DNAJC10: variants seen among roughly 807,000 people sequenced by gnomAD.
The protein encoded by DNAJC10 is DnaJ heat shock protein family (Hsp40) member C10.
DNAJC10 carries 101 observed loss-of-function variants against 115.0 expected under a neutral mutation model. That is an observed-to-expected ratio of 0.88 (90% CI 0.75 to 1.04). The LOEUF (loss-of-function observed/expected upper bound fraction) is 1.04. Ranked by LOEUF, DNAJC10 falls within the 50% of genes least tolerant of loss-of-function variation. The pLI is 0.00. For synonymous variants in DNAJC10, 307 were observed against 301.5 expected (o/e 1.02, Z -0.19); for missense variants, 981 against 928.8 (o/e 1.06, Z -0.73).
intron 9 of DNAJC10, among the ~76,000 whole-genome samples, chr2:182,731,800 T>C (rs966108867): frequency 1.3e-5 from 2 of 152,184 alleles, no homozygotes; most frequent in Non-Finnish European, 2.9e-5. Flanking sequence ...CCCCATCCTG[T>C]AAGGCCTATG....
Position 182,740,371 on chromosome 2 carries a change from T to C in DNAJC10, c.1060T>C (p.Ser354Pro), listed in dbSNP as rs1368554963. Residue 354 changes from serine to proline, a missense_variant, in exon 12 of 24, where the codon TCG becomes CCG. By Grantham distance (74) the Ser-to-Pro change is moderately conservative. Transcript: ENST00000264065. ...IHNLPDFELL[S>P]ANTLEDRLAH... The stretch of plus-strand genomic sequence containing the variant: ...TAATCTTCCAGATTTTGAACTACTT[T>C]CGGCAAACACACTAGAGGTAATGTT... 3 of 1,575,972 alleles carry C rather than the reference T, an allele frequency of 1.9e-6. No individual in the cohort carries two copies. Among genetic ancestry groups the C allele is most frequent in the Admixed American group, 3.7e-5 (2 of 53,552 alleles).
chr2:182,718,030 T>C lies in DNAJC10; in HGVS notation c.-57T>C. ...TCTCAAATTTGCATATTACATCAAC[T>C]GGAACCAGCAGTGAATCTTAATGTT... is the stretch of plus-strand genomic sequence containing the variant. On this transcript the variant is annotated 5_prime_UTR_variant, in exon 3 of 24. Coordinates refer to ENST00000264065, the MANE Select transcript of DNAJC10 (RefSeq NM_018981.4). The C allele has an allele frequency of 2.2e-6, 3 of 1,355,222 alleles. No individual in the cohort carries two copies. The highest frequency in any genetic ancestry group is 3.0e-6 in the Non-Finnish European group (3 of 984,152). 83.9% of individuals were successfully genotyped at this position (1,355,222 alleles called of 1,614,324 possible). A position where few individuals can be genotyped will look rare whatever the true frequency, so the allele number is the denominator to read the frequency against.
chr2:182,730,245 A>G (rs1034177230), intron 8 of DNAJC10, among the ~76,000 whole-genome samples: 1 of 152,184 alleles, frequency 6.6e-6, no homozygotes, highest in Non-Finnish European at 1.5e-5. Context: ...TGCTTTTTTA[A>G]ATATGCTTAT....
intron 22 of DNAJC10, among the ~76,000 whole-genome samples, chr2:182,767,222 A>C (rs970118540): frequency 6.6e-6 from 1 of 152,146 alleles, no homozygotes; most frequent in South Asian, 2.1e-4. Context: ...AGGTGGCCAA[A>C]ATAGTAGCGT....
chr2:182,722,196 A>C (rs897466329), intron 5 of DNAJC10, 121 bp downstream of exon 5: 1 of 635,064 alleles, frequency 1.6e-6, no homozygotes, highest in Non-Finnish European at 2.7e-6. Flanking sequence ...TAATAATGTA[A>C]TATACTGTAT....
At chr2:182,761,088 G>C (rs897480884) in intron 21 of DNAJC10, among the ~76,000 whole-genome samples, 5 of 151,926 alleles carry the variant, frequency 3.3e-5, no homozygotes, top group African/African-American at 1.2e-4. Flanking sequence ...AACTCCACAT[G>C]AAAGAAAAGG....
chr2:182,761,911 G>A (rs1694294501), intron 21 of DNAJC10, among the ~76,000 whole-genome samples: 1 of 152,058 alleles, frequency 6.6e-6, no homozygotes, highest in African/African-American at 2.4e-5. Flanking sequence ...CTGGAAAAAG[G>A]AAGAACAGTC....
chr2:182,749,107 C>T (rs1403973096), intron 14 of DNAJC10, among the ~76,000 whole-genome samples: 9 of 151,984 alleles, frequency 5.9e-5, no homozygotes, highest in African/African-American at 1.9e-4. Context: ...AGGTGTGGTG[C>T]AGTGCTGAAA....
intron 3 of DNAJC10, among the ~76,000 whole-genome samples, 153 bp from the exon 4 acceptor site, chr2:182,719,854 C>T (rs1205520228): frequency 6.9e-6 from 1 of 144,488 alleles, no homozygotes; most frequent in African/African-American, 2.6e-5. Flanking sequence ...TCATTTCAAC[C>T]CATGGTAACT....
At chr2:182,770,522 G>A (rs1482360947) in intron 22 of DNAJC10, among the ~76,000 whole-genome samples, 1 of 152,002 alleles carries the variant, frequency 6.6e-6, no homozygotes, top group African/African-American at 2.4e-5. Flanking sequence ...CCTTGAAGAG[G>A]TCCTTCACAT....
At chr2:182,729,819 G>A in intron 7 of DNAJC10, 29 bp from the exon 8 acceptor site, 1 of 1,423,760 alleles carries the variant, frequency 7.0e-7, no homozygotes, top group Non-Finnish European at 9.6e-7. Context: ...AAAAGTAAAA[G>A]ATGTTTCTCT....
chr2:182,771,110 A>G (rs1452260276), intron 22 of DNAJC10, among the ~76,000 whole-genome samples: 1 of 152,128 alleles, frequency 6.6e-6, no homozygotes, highest in Non-Finnish European at 1.5e-5. Context: ...GATTACATTT[A>G]TTGATTTGCA....
chr2:182,739,965 T>C, intron 11 of DNAJC10: 1 of 994,520 alleles, frequency 1.0e-6, no homozygotes, highest in Non-Finnish European at 1.2e-6. Flanking sequence ...AAAGATAATG[T>C]GGTTTTTCTT....
rs1406467939 is a variant in DNAJC10, at chr2:182,779,085, A to G, written c.*1953A>G. On this transcript the variant is annotated 3_prime_UTR_variant, in exon 24 of 24. Transcript: ENST00000264065. ...TTGAGAAACATTTTAGGCAGTAAAT[A>G]AAATAGTAAATATTATGTGTCCTAT... 1 of 152,210 alleles carries G rather than the reference A, an allele frequency of 6.6e-6. No homozygotes were observed. The highest frequency in any genetic ancestry group is 2.4e-5 in the African/African-American group (1 of 41,458). 9.4% of individuals were successfully genotyped at this position (152,210 alleles called of 1,614,324 possible).
intron 22 of DNAJC10, among the ~76,000 whole-genome samples, chr2:182,766,178 GTTGT>G (rs1694406435): frequency 6.6e-6 from 1 of 152,132 alleles, no homozygotes; most frequent in Admixed American, 6.6e-5. Context: ...AAATGAAACT[GTTGT>G]TTAAGAATCC....
intron 11 of DNAJC10, among the ~76,000 whole-genome samples, chr2:182,738,410 G>A (rs1693639982): frequency 6.6e-6 from 1 of 152,070 alleles, no homozygotes; most frequent in Non-Finnish European, 1.5e-5. Flanking sequence ...TAATCTCTGG[G>A]CTTCATGATA....
Position 182,788,637 on chromosome 2 carries a change from T to C in DNAJC10, c.*11505T>C. 3.1e-6 allele frequency: 1 copy of C among 323,096 alleles called. No individual in the cohort carries two copies. The highest frequency in any genetic ancestry group is 2.7e-5 in the South Asian group (1 of 37,110). The allele number at this position is 323,096 out of a possible 1,614,324, so 20.0% of individuals were successfully genotyped here. On this transcript the variant is annotated 3_prime_UTR_variant, in exon 24 of 24. Coordinates refer to ENST00000264065, the MANE Select transcript of DNAJC10 (RefSeq NM_018981.4). Reference sequence around the variant, plus strand: ...CAATACGTCCGTCTGTAAGTGATGGTCATATTTGTGTTCTTTTGTCCCAGA... The same window carrying C: ...CAATACGTCCGTCTGTAAGTGATGGCCATATTTGTGTTCTTTTGTCCCAGA...
rs936497631 is a variant in DNAJC10, at chr2:182,783,155, A to G, written c.*6023A>G. On this transcript the variant is annotated 3_prime_UTR_variant, in exon 24 of 24. Transcript: ENST00000264065. The stretch of plus-strand genomic sequence containing the variant: ...TCGAAGGCCTTTTCTGCATCTATTG[A>G]GATAATCATGTTTTTGTCATAACTG... The G allele has an allele frequency of 1.3e-5, 2 of 152,182 alleles. No individual in the cohort carries two copies. Among genetic ancestry groups the G allele is most frequent in the Non-Finnish European group, 2.9e-5 (2 of 68,046 alleles). The allele number at this position is 152,182 out of a possible 1,614,324, so 9.4% of individuals were successfully genotyped here. A position where few individuals can be genotyped will look rare whatever the true frequency, so the allele number is the denominator to read the frequency against.
chr2:182,767,192 C>G (rs549732858), intron 22 of DNAJC10, among the ~76,000 whole-genome samples: 1 of 152,108 alleles, frequency 6.6e-6, no homozygotes, highest in Non-Finnish European at 1.5e-5. Context: ...GAGGATACCA[C>G]GCAGAGCGTA....
Sources: gnomAD v4.1 joint callset for allele counts (sites outside exome capture counted in the v4.1 genomes callset) on GRCh38, gnomAD v4.1.1 for gene constraint, MANE v1.5 for transcripts, NCBI Gene and HGNC (gene_info 2026-07-23, HGNC 2026-07-21) for gene names.